DEK: variants seen among roughly 807,000 people sequenced by gnomAD.
DEK encodes protein DEK.
In DEK, 28 loss-of-function variants were observed where a neutral mutation model predicts 46.8. The ratio of observed to expected loss-of-function variants is 0.60; its 90% confidence interval spans 0.44 to 0.82. The LOEUF is 0.82. Ranked by LOEUF, DEK falls within the 40% of genes least tolerant of loss-of-function variation. DEK has a pLI of 0.00. For missense variants in DEK, 416 were observed against 430.6 expected (o/e 0.97, Z 0.30); for synonymous variants, 160 against 144.5 (o/e 1.11, Z -0.77).
Position 18,255,863 on chromosome 6 carries a change from A to G in DEK, c.453-12T>C, listed in dbSNP as rs748700028. ...TGGCATTTCTAAATCTGAAACAGAA[A>G]ATGGAAGAAACCAAGGTGTTAATAT... is the stretch of plus-strand genomic sequence containing the variant. On this transcript the variant is annotated splice_polypyrimidine_tract_variant and intron_variant, in intron 5 of 10. Transcript: ENST00000652689. 2 of 1,594,034 alleles carry G rather than the reference A, an allele frequency of 1.3e-6. No individual in the cohort carries two copies. Among genetic ancestry groups the G allele is most frequent in the Non-Finnish European group, 1.7e-6 (2 of 1,175,592 alleles).
chr6:18,244,638 T>G, intron 7 of DEK: 1 of 1,069,334 alleles, frequency 9.4e-7, no homozygotes, highest in Non-Finnish European at 1.3e-6. Context: ...AAAATTAGCT[T>G]AAAATACACT....
chr6:18,258,994 C>T (rs570459890), intron 2 of DEK, among the ~76,000 whole-genome samples: 1 of 152,162 alleles, frequency 6.6e-6, no homozygotes, highest in South Asian at 2.1e-4. Flanking sequence ...GAATAACATT[C>T]CTAATGATGA....
intron 2 of DEK, among the ~76,000 whole-genome samples, chr6:18,263,276 C>T (rs563084086): frequency 3.9e-5 from 6 of 152,300 alleles, no homozygotes; most frequent in Admixed American, 1.3e-4. Flanking sequence ...AGTTCACTTT[C>T]TTCATTTTTA....
intron 7 of DEK, 34 bp downstream of exon 7, chr6:18,249,613 GGAAA>G: frequency 6.7e-7 from 1 of 1,482,020 alleles, no homozygotes; most frequent in Non-Finnish European, 8.9e-7. Context: ...CTCTCCCCAT[GGAAA>G]GAAATGATTT....
chr6:18,262,684 AAC>A (rs1436420363), intron 2 of DEK, among the ~76,000 whole-genome samples: 1 of 152,232 alleles, frequency 6.6e-6, no homozygotes, highest in East Asian at 1.9e-4. Context: ...CCAAAATACA[AAC>A]AAAAAATTGG....
In DEK at chr6:18,249,648, T is replaced by C. The variant is rs958050966; in HGVS notation, c.762+3A>G. 1.9e-6 allele frequency: 3 copies of C among 1,569,784 alleles called. No homozygotes were observed. The highest frequency in any genetic ancestry group is 2.8e-5 in the African/African-American group (2 of 72,394). On this transcript the variant is annotated splice_donor_region_variant and intron_variant, in intron 7 of 10. Coordinates refer to ENST00000652689, the MANE Select transcript of DEK (RefSeq NM_003472.4). Reference sequence around the variant, plus strand: ...GATTTAAAAATATAGTAAAATATTTTACCTCCTCTTCACTTTCTTTATCTT... The same window carrying C: ...GATTTAAAAATATAGTAAAATATTTCACCTCCTCTTCACTTTCTTTATCTT...
rs566661248 is a variant in DEK, at chr6:18,245,778, G to A, written c.762+3873C>T. Among the ~76,000 whole-genome samples the A allele has an allele frequency of 3.3e-5, 5 of 152,314 alleles. No individual in the cohort carries two copies. The East Asian group carries it at 7.7e-4, about 23-fold the overall frequency. ...TTTAACCTCAACGGCTCATTGATAC[G>A]GTTTGGCTCTGTGTCCCCACCCAAA... On this transcript the variant is annotated intron_variant, in intron 7 of 10. Coordinates refer to ENST00000652689, the MANE Select transcript of DEK (RefSeq NM_003472.4).
chr6:18,224,405 A>G lies in DEK; in HGVS notation c.*1314T>C. On this transcript the variant is annotated 3_prime_UTR_variant, in exon 11 of 11. Coordinates refer to ENST00000652689, the MANE Select transcript of DEK (RefSeq NM_003472.4). ...ATGCAAAGATATTTTTCAACACTTA[A>G]TTGGTGCAACAAATGTGTCATTGTG... 1 of 190,656 alleles carries G rather than the reference A, an allele frequency of 5.2e-6. No homozygotes were observed. Among genetic ancestry groups the G allele is most frequent in the Non-Finnish European group, 1.1e-5 (1 of 91,020 alleles). 11.8% of individuals were successfully genotyped at this position (190,656 alleles called of 1,614,324 possible). A position where few individuals can be genotyped will look rare whatever the true frequency, so the allele number is the denominator to read the frequency against.
chr6:18,242,660 A>C (rs1434995350), intron 7 of DEK, among the ~76,000 whole-genome samples: 1 of 152,114 alleles, frequency 6.6e-6, no homozygotes, highest in African/African-American at 2.4e-5. Flanking sequence ...TATCCTATCA[A>C]CTGTTGCAGT....
At chr6:18,234,715 A>AC (rs1364452448) in intron 9 of DEK, among the ~76,000 whole-genome samples, 2 of 152,046 alleles carry the variant, frequency 1.3e-5, no homozygotes, top group African/African-American at 4.8e-5. Context: ...CCTCCACAGG[A>AC]CCACCCTTCA....
intron 4 of DEK, among the ~76,000 whole-genome samples, chr6:18,257,402 A>C (rs1218389030): frequency 6.6e-6 from 1 of 152,222 alleles, no homozygotes; most frequent in Non-Finnish European, 1.5e-5. Context: ...GTTTGGAATA[A>C]AAACTACTAC....
intron 7 of DEK, among the ~76,000 whole-genome samples, chr6:18,240,150 T>C (rs1031588572): frequency 2.0e-5 from 3 of 152,224 alleles, no homozygotes; most frequent in Admixed American, 1.3e-4. Flanking sequence ...ACCTGCAAAT[T>C]GTGAGTAGTG....
chr6:18,239,354 TTTTTTTTA>T (rs1340768345), intron 7 of DEK, among the ~76,000 whole-genome samples: 3 of 144,712 alleles, frequency 2.1e-5, no homozygotes, highest in African/African-American at 7.6e-5. Context: ...TTTTTTTTTT[TTTTTTTTA>T]AAAAAAAGAG....
intron 2 of DEK, among the ~76,000 whole-genome samples, chr6:18,259,728 C>T (rs1376416898): frequency 2.6e-5 from 4 of 152,096 alleles, no homozygotes; most frequent in African/African-American, 9.7e-5. Context: ...AAATAAATTG[C>T]TGTGCACTGA....
intron 1 of DEK, 168 bp from the exon 2 acceptor site, chr6:18,264,164 G>T: frequency 2.0e-6 from 1 of 509,010 alleles, no homozygotes; most frequent in Non-Finnish European, 3.2e-6. Context: ...CTTCCCTCCC[G>T]CTCCGCCGCC....
chr6:18,228,567 G>C (rs1051908728), intron 9 of DEK, among the ~76,000 whole-genome samples: 1 of 152,154 alleles, frequency 6.6e-6, no homozygotes, highest in Non-Finnish European at 1.5e-5. Flanking sequence ...AGCTGAAGCA[G>C]GGCAAGGCAT....
intron 7 of DEK, among the ~76,000 whole-genome samples, chr6:18,241,519 C>T (rs1790892716): frequency 1.3e-5 from 2 of 152,046 alleles, no homozygotes; most frequent in African/African-American, 2.4e-5. Flanking sequence ...ATTCATTATC[C>T]CTACTTTATG....
At chr6:18,261,427 C>G (rs941036100) in intron 2 of DEK, among the ~76,000 whole-genome samples, 1 of 152,182 alleles carries the variant, frequency 6.6e-6, no homozygotes, top group Non-Finnish European at 1.5e-5. Context: ...ACAAAATCAG[C>G]CAGCTGTGGT....
intron 7 of DEK, among the ~76,000 whole-genome samples, chr6:18,245,482 A>G (rs1252843769): frequency 1.3e-5 from 2 of 151,426 alleles, no homozygotes; most frequent in Non-Finnish European, 3.0e-5. Flanking sequence ...GATAAATTCT[A>G]AATACTCGTA....
Sources: gnomAD v4.1 joint callset for allele counts (sites outside exome capture counted in the v4.1 genomes callset) on GRCh38, gnomAD v4.1.1 for gene constraint, MANE v1.5 for transcripts, NCBI Gene and HGNC (gene_info 2026-07-23, HGNC 2026-07-21) for gene names.